The following UBAC2 variants were observed in gnomAD, a reference collection of about 807,000 sequenced individuals.
The protein encoded by UBAC2 is UBA domain containing 2, also known as ubiquitin-associated domain-containing protein 2.
In UBAC2, 26 loss-of-function variants were observed where a neutral mutation model predicts 44.0. The ratio of observed to expected loss-of-function variants is 0.59; its 90% CI spans 0.43 to 0.82. UBAC2 has a LOEUF of 0.82. Among genes scored for constraint, UBAC2 ranks in the 40% least tolerant of loss-of-function variants. The pLI is 0.00. For missense variants in UBAC2, 329 were observed against 419.4 expected (o/e 0.78, Z 1.88); for synonymous variants, 155 against 154.3 (o/e 1.00, Z -0.04).
chr13:99,339,237 A>G (rs191223664), intron 6 of UBAC2, among the ~76,000 whole-genome samples: 3 of 152,266 alleles, frequency 2.0e-5, no homozygotes, highest in Admixed American at 6.5e-5. Context: ...TCATCAAGTC[A>G]CGGGCACCGC....
chr13:99,290,394 AG>A (rs1279234347), intron 4 of UBAC2, among the ~76,000 whole-genome samples: 1 of 152,130 alleles, frequency 6.6e-6, no homozygotes, highest in Non-Finnish European at 1.5e-5. Context: ...AGGTGTGCCA[AG>A]GCCAGTGTCT....
intron 4 of UBAC2, among the ~76,000 whole-genome samples, chr13:99,309,519 C>T (rs569869923): frequency 8.6e-4 from 131 of 152,274 alleles, no homozygotes; most frequent in Admixed American, 3.5e-3. Flanking sequence ...AGCTCACAAA[C>T]CTTGTTTTTA....
chr13:99,292,659 CCT>C (rs2044106958), intron 4 of UBAC2, among the ~76,000 whole-genome samples: 1 of 151,420 alleles, frequency 6.6e-6, no homozygotes, highest in African/African-American at 2.4e-5. Flanking sequence ...TTTTTACTAT[CCT>C]CTCGCTGAAT....
intron 4 of UBAC2, among the ~76,000 whole-genome samples, chr13:99,311,355 C>T (rs1336819828): frequency 2.0e-5 from 3 of 152,028 alleles, no homozygotes; most frequent in Non-Finnish European, 2.9e-5. Context: ...TGCTGTCCTG[C>T]GGAGCACAGG....
intron 7 of UBAC2, among the ~76,000 whole-genome samples, chr13:99,364,792 C>T (rs2045309929): frequency 6.6e-6 from 1 of 152,194 alleles, no homozygotes; most frequent in African/African-American, 2.4e-5. Flanking sequence ...CTGGTTCATT[C>T]ATTCAAACTG....
intron 4 of UBAC2, among the ~76,000 whole-genome samples, chr13:99,286,739 T>C (rs922643922): frequency 3.3e-5 from 5 of 152,196 alleles, no homozygotes; most frequent in Non-Finnish European, 5.9e-5. Context: ...CTCCCACTTA[T>C]ACGTACAAAC....
intron 7 of UBAC2, among the ~76,000 whole-genome samples, chr13:99,353,876 G>GC (rs2045135135): frequency 6.6e-6 from 1 of 152,192 alleles, no homozygotes; most frequent in South Asian, 2.1e-4. Flanking sequence ...TTCAGAGCCA[G>GC]CAGCCCAGTG....
At chr13:99,357,776 C>T (rs762308224) in intron 7 of UBAC2, among the ~76,000 whole-genome samples, 2 of 152,212 alleles carry the variant, frequency 1.3e-5, no homozygotes, top group Non-Finnish European at 2.9e-5. Flanking sequence ...CCTTCCACCC[C>T]GCCTTCATTA....
At chr13:99,284,610 T>C (rs1050658781) in intron 4 of UBAC2, among the ~76,000 whole-genome samples, 2 of 152,242 alleles carry the variant, frequency 1.3e-5, no homozygotes, top group Admixed American at 1.3e-4. Context: ...ATGTATTACT[T>C]TATTCACATC....
intron 1 of UBAC2, chr13:99,234,508 A>G (rs9554573): frequency 0.55 from 86,356 of 156,892 alleles, 26,410 homozygotes; most frequent in Non-Finnish European, 0.71. Flanking sequence ...CCATTTCTAC[A>G]TGCATTACCT....
chr13:99,256,402 G>A (rs1461251653), intron 4 of UBAC2: 1 of 152,196 alleles, frequency 6.6e-6, no homozygotes, highest in Non-Finnish European at 1.5e-5. Flanking sequence ...TCAAGAACTA[G>A]ACTGTTAGAG....
rs749177375 is a variant in UBAC2 at position 99,201,506 on chromosome 13, A to G, written c.31+567A>G. On this transcript the variant is annotated intron_variant, in intron 1 of 8. Transcript: ENST00000403766. ...GGAGGGAAGTTAGGAAGTCGTGGCG[A>G]GGGAGCGCAGCTGTGCTGCTGGATG... The G allele has an allele frequency of 5.0e-6, 8 of 1,614,006 alleles. No homozygotes were observed. The African/African-American group carries it at 8.0e-5, about 16-fold the overall frequency.
intron 5 of UBAC2, among the ~76,000 whole-genome samples, chr13:99,315,639 A>G (rs900276522): frequency 6.6e-6 from 1 of 152,170 alleles, no homozygotes; most frequent in Non-Finnish European, 1.5e-5. Context: ...CCCATCTATC[A>G]AATGGGGATG....
intron 2 of UBAC2, 148 bp downstream of exon 2, chr13:99,238,702 C>G: frequency 1.4e-6 from 1 of 725,358 alleles, no homozygotes; most frequent in Non-Finnish European, 1.9e-6. Flanking sequence ...AGTAACTTTT[C>G]TAGTTATTGA....
At chr13:99,261,730 G>A (rs887546125) in intron 4 of UBAC2, 1 of 152,460 alleles carries the variant, frequency 6.6e-6, no homozygotes, top group African/African-American at 2.4e-5. Context: ...AGAGTTTGCA[G>A]TGTGACATTT....
chr13:99,358,829 A>G (rs1055122426), intron 7 of UBAC2, among the ~76,000 whole-genome samples: 3 of 152,102 alleles, frequency 2.0e-5, no homozygotes, highest in African/African-American at 7.2e-5. Context: ...AGCAAGAGAT[A>G]TGGGGTGGGA....
At chr13:99,314,262 CTTTTTTT>C (rs57005833) in intron 5 of UBAC2, 42 bp downstream of exon 5, 3 of 1,148,912 alleles carry the variant, frequency 2.6e-6, no homozygotes, top group Non-Finnish European at 2.2e-6. Context: ...TTAACCAGAT[CTTTTTTT>C]TTTTTTTTTT....
chr13:99,348,314 T>C (rs1225523093), intron 7 of UBAC2, among the ~76,000 whole-genome samples: 1 of 152,234 alleles, frequency 6.6e-6, no homozygotes, highest in Non-Finnish European at 1.5e-5. Context: ...ACTAGGTTTC[T>C]ACAGGAGTCT....
chr13:99,207,199 G>A (rs1295622964), intron 1 of UBAC2, among the ~76,000 whole-genome samples: 1 of 152,146 alleles, frequency 6.6e-6, no homozygotes, highest in East Asian at 1.9e-4. Flanking sequence ...TTGGTGAGAG[G>A]GCAGAGTATA....
Sources: gnomAD v4.1 joint callset for allele counts (sites outside exome capture counted in the v4.1 genomes callset) on GRCh38, gnomAD v4.1.1 for gene constraint, MANE v1.5 for transcripts, NCBI Gene and HGNC (gene_info 2026-07-23, HGNC 2026-07-21) for gene names.